Variants in REC114 observed in about 807,000 individuals in gnomAD.
The protein encoded by REC114 is REC114 meiotic recombination protein.
REC114 carries 27 observed loss-of-function variants against 31.3 expected under a neutral mutation model. That is an observed-to-expected ratio of 0.86 (90% CI 0.64 to 1.19). The LOEUF (loss-of-function observed/expected upper bound fraction) is 1.19, where lower values mean the gene tolerates loss of function less well. Among genes scored for constraint, REC114 ranks in the 50% most tolerant of loss-of-function variants. The pLI is 0.00. For synonymous variants in REC114, 134 were observed against 127.7 expected (o/e 1.05, Z -0.33); for missense variants, 344 against 326.9 (o/e 1.05, Z -0.40).
In REC114 at chr15:73,446,849, A is replaced by G. The variant is rs114882919; in HGVS notation, c.159+3505A>G. Among the ~76,000 whole-genome samples the G allele has an allele frequency of 2.4e-3, 359 of 152,336 alleles. 2 individuals are homozygous for G. Among genetic ancestry groups the G allele is most frequent in the African/African-American group, 8.3e-3 (346 of 41,566 alleles). Reference sequence around the variant, plus strand: ...GGGAAGCCACCGAACAGTTTTAAGCAGAGGCATTTTCATCTTTGAAAGATC... The same window carrying G: ...GGGAAGCCACCGAACAGTTTTAAGCGGAGGCATTTTCATCTTTGAAAGATC... On this transcript the variant is annotated intron_variant, in intron 1 of 5. Transcript: ENST00000331090.
rs897122181 is a variant in REC114, at chr15:73,556,409, G to A, written c.636+18G>A. On this transcript the variant is annotated intron_variant, in intron 5 of 5. Coordinates refer to ENST00000331090, the MANE Select transcript of REC114 (RefSeq NM_001042367.2). ...TAGCTCAGGTAGAGCTTATTTCTGT[G>A]TTCAATTTTCTTGTCATGAGAAGCA... 6.2e-7 allele frequency: 1 copy of A among 1,602,692 alleles called. No individual in the cohort carries two copies. Among genetic ancestry groups the A allele is most frequent in the Non-Finnish European group, 8.5e-7 (1 of 1,173,930 alleles).
chr15:73,546,429 T>C (rs1006291796), intron 3 of REC114, among the ~76,000 whole-genome samples: 6 of 152,074 alleles, frequency 3.9e-5, no homozygotes, highest in African/African-American at 7.2e-5. Context: ...TGGTTTATAA[T>C]AGGAACAAAG....
intron 2 of REC114, among the ~76,000 whole-genome samples, chr15:73,519,309 C>T (rs1007612370): frequency 4.6e-5 from 7 of 152,144 alleles, no homozygotes; most frequent in South Asian, 2.1e-4. Context: ...TGTAAGGACA[C>T]GATGAGAAAA....
intron 2 of REC114, chr15:73,483,266 T>TGCC (rs915116608): frequency 3.3e-5 from 5 of 150,290 alleles, no homozygotes; most frequent in Middle Eastern, 9.7e-4. Flanking sequence ...TGTTTTGAGC[T>TGCC]GCCGCTGCTG....
intron 2 of REC114, among the ~76,000 whole-genome samples, chr15:73,493,659 A>G (rs1893476489): frequency 6.6e-6 from 1 of 152,188 alleles, no homozygotes; most frequent in African/African-American, 2.4e-5. Context: ...GGCTAATATA[A>G]GTTTACATTT....
chr15:73,451,159 C>A (rs1328738507), intron 1 of REC114, among the ~76,000 whole-genome samples: 3 of 152,092 alleles, frequency 2.0e-5, no homozygotes, highest in Non-Finnish European at 4.4e-5. Flanking sequence ...AGGAGACAGA[C>A]ACTTGAAAAA....
intron 2 of REC114, among the ~76,000 whole-genome samples, chr15:73,480,723 G>T (rs1354219917): frequency 1.3e-5 from 2 of 152,104 alleles, no homozygotes; most frequent in Non-Finnish European, 2.9e-5. Flanking sequence ...TTTCGCCCAG[G>T]CTGGGATGCA....
chr15:73,535,185 T>C (rs1894137528), intron 2 of REC114, among the ~76,000 whole-genome samples: 1 of 147,414 alleles, frequency 6.8e-6, no homozygotes, highest in South Asian at 2.2e-4. Flanking sequence ...GCCAGGGCAA[T>C]TAGTCAGGAG....
intron 2 of REC114, among the ~76,000 whole-genome samples, chr15:73,534,507 G>A (rs1481699963): frequency 3.2e-4 from 49 of 152,204 alleles, no homozygotes; most frequent in African/African-American, 5.8e-4. Context: ...GAATAGACCA[G>A]TAACAGGAGC....
intron 2 of REC114, among the ~76,000 whole-genome samples, chr15:73,511,176 G>A (rs1450708611): frequency 6.6e-6 from 1 of 152,170 alleles, no homozygotes; most frequent in Admixed American, 6.5e-5. Flanking sequence ...TCTTGGGAGA[G>A]TGTATGTGTC....
intron 2 of REC114, among the ~76,000 whole-genome samples, chr15:73,531,333 T>A (rs915816486): frequency 6.6e-6 from 1 of 152,322 alleles, no homozygotes; most frequent in African/African-American, 2.4e-5. Context: ...GCATCCATTT[T>A]CTTAGGTACT....
intron 2 of REC114, among the ~76,000 whole-genome samples, chr15:73,508,129 A>T (rs1001488862): frequency 6.6e-6 from 1 of 152,170 alleles, no homozygotes; most frequent in African/African-American, 2.4e-5. Flanking sequence ...CTCTGAGGTC[A>T]GAGATTATGT....
intron 2 of REC114, among the ~76,000 whole-genome samples, chr15:73,526,873 A>T (rs528182264): frequency 2.0e-5 from 3 of 152,298 alleles, no homozygotes; most frequent in South Asian, 2.1e-4. Context: ...CAAGTAGTTA[A>T]GTTACTAATA....
chr15:73,546,729 G>A (rs1595882560), intron 3 of REC114, among the ~76,000 whole-genome samples: 1 of 150,876 alleles, frequency 6.6e-6, no homozygotes, highest in East Asian at 2.0e-4. Flanking sequence ...CAGGAGAATC[G>A]CTTGAACCCG....
intron 2 of REC114, among the ~76,000 whole-genome samples, chr15:73,494,273 G>C (rs1893485701): frequency 6.6e-6 from 1 of 152,144 alleles, no homozygotes. Flanking sequence ...TGGAGGCAGA[G>C]ATTGCAGTGA....
intron 2 of REC114, among the ~76,000 whole-genome samples, chr15:73,506,254 A>G (rs16957955): frequency 0.021 from 3,243 of 152,244 alleles, 27 homozygotes; most frequent in East Asian, 0.027. Flanking sequence ...AGATAGTGAG[A>G]ACTGAGAAAT....
intron 2 of REC114, among the ~76,000 whole-genome samples, chr15:73,531,402 G>A (rs1894080522): frequency 6.6e-6 from 1 of 152,156 alleles, no homozygotes; most frequent in Non-Finnish European, 1.5e-5. Context: ...CATTATGTAT[G>A]ATAGCAGGGG....
At chr15:73,519,391 C>T (rs1458738839) in intron 2 of REC114, among the ~76,000 whole-genome samples, 5 of 152,168 alleles carry the variant, frequency 3.3e-5, no homozygotes, top group African/African-American at 1.2e-4. Context: ...TTGGACTTCC[C>T]AGCCTTCAGA....
intron 1 of REC114, among the ~76,000 whole-genome samples, chr15:73,473,338 G>A (rs1469836821): frequency 6.6e-6 from 1 of 150,802 alleles, no homozygotes; most frequent in Non-Finnish European, 1.5e-5. Context: ...GCTGTGAGCC[G>A]AGATCACACC....
Sources: gnomAD v4.1 joint callset for allele counts (sites outside exome capture counted in the v4.1 genomes callset) on GRCh38, gnomAD v4.1.1 for gene constraint, MANE v1.5 for transcripts, NCBI Gene and HGNC (gene_info 2026-07-23, HGNC 2026-07-21) for gene names.